IL1RL2: variants seen among roughly 807,000 people sequenced by gnomAD.
IL1RL2 encodes interleukin-1 receptor-like 2.
Under a neutral mutation model 66.8 loss-of-function variants are expected in IL1RL2, and 68 were observed. The observed-to-expected ratio is 1.02, with a 90% CI of 0.84 to 1.25. The LOEUF (loss-of-function observed/expected upper bound fraction) is 1.25, where lower values mean the gene tolerates loss of function less well. Ranked by LOEUF, IL1RL2 falls within the 50% of genes most tolerant of loss-of-function variation. IL1RL2 has a pLI of 0.00. For synonymous variants in IL1RL2, 305 were observed against 264.6 expected, an observed-to-expected ratio of 1.15 and a Z score of -1.48; for missense variants, 729 against 709.3, an observed-to-expected ratio of 1.03 and a Z score of -0.32.
chr2:102,221,768 A>G (rs1690153606), intron 8 of IL1RL2, among the ~76,000 whole-genome samples: 1 of 152,214 alleles, frequency 6.6e-6, no homozygotes, highest in Admixed American at 6.5e-5. Context: ...ATGTCTCCTC[A>G]TCTGGGAAAT....
intron 4 of IL1RL2, 32 bp from the exon 5 acceptor site, chr2:102,201,524 A>G (rs764855909): frequency 2.5e-6 from 4 of 1,603,778 alleles, no homozygotes; most frequent in Admixed American, 3.3e-5. Flanking sequence ...CTAAGTATTC[A>G]TTGAATTGAA....
intron 8 of IL1RL2, among the ~76,000 whole-genome samples, chr2:102,225,624 C>T (rs1690530577): frequency 6.6e-6 from 1 of 152,162 alleles, no homozygotes; most frequent in Non-Finnish European, 1.5e-5. Context: ...GTCCATGCTG[C>T]GTCTACCACC....
chr2:102,229,579 T>C (rs372340349), intron 9 of IL1RL2, among the ~76,000 whole-genome samples: 12 of 152,168 alleles, frequency 7.9e-5, no homozygotes, highest in African/African-American at 2.9e-4. Context: ...AGCCGGGAAA[T>C]GTTGAGGTGC....
At chr2:102,224,205 TCCTAC>T (rs1690398734) in intron 8 of IL1RL2, among the ~76,000 whole-genome samples, 1 of 152,172 alleles carries the variant, frequency 6.6e-6, no homozygotes, top group South Asian at 2.1e-4. Context: ...GATCCAGCAA[TCCTAC>T]TGCTGGTTAT....
In IL1RL2 at chr2:102,201,723, T is replaced by C. The variant is rs368217225; in HGVS notation, c.649+8T>C. 8.1e-6 allele frequency: 13 copies of C among 1,611,914 alleles called. No individual in the cohort carries two copies. The highest frequency in any genetic ancestry group is 2.2e-5 in the East Asian group (1 of 44,834). ...GCATCACTGTGAGCATTAGTAAGTA[T>C]GCTCATGTATGCCTGTCGCCTTGTA... On this transcript the variant is annotated splice_region_variant and intron_variant, in intron 5 of 11. Coordinates refer to ENST00000264257, the MANE Select transcript of IL1RL2 (RefSeq NM_003854.4).
At chr2:102,241,331 G>A (rs1264741169), downstream of IL1RL2, among the ~76,000 whole-genome samples, 1 of 152,122 alleles carries the variant, frequency 6.6e-6, no homozygotes, top group Non-Finnish European at 1.5e-5. Flanking sequence ...GCGGTCATAG[G>A]GATTTCAGAG....
chr2:102,187,995 C>A (rs1376197139), intron 2 of IL1RL2, 70 bp downstream of exon 2: 1 of 1,467,742 alleles, frequency 6.8e-7, no homozygotes, highest in Non-Finnish European at 9.5e-7. Flanking sequence ...TCATTGGGAG[C>A]CCCCGGGGAT....
At chr2:102,206,858 C>A (rs1338800470) in intron 5 of IL1RL2, among the ~76,000 whole-genome samples, 1 of 152,228 alleles carries the variant, frequency 6.6e-6, no homozygotes, top group Non-Finnish European at 1.5e-5. Context: ...CTGGGTGGAT[C>A]CAGAGGTGCC....
chr2:102,187,754 G>A (rs1244249066), intron 1 of IL1RL2, 102 bp from the exon 2 acceptor site: 2 of 976,732 alleles, frequency 2.0e-6, no homozygotes, highest in South Asian at 2.6e-5. Flanking sequence ...GAAGGTCAGC[G>A]GCCTGGGCGG....
chr2:102,233,801 T>C (rs1428092607), intron 10 of IL1RL2, among the ~76,000 whole-genome samples: 1 of 152,184 alleles, frequency 6.6e-6, no homozygotes, highest in Non-Finnish European at 1.5e-5. Flanking sequence ...AGTGCTTTCC[T>C]GTCCCTTTGT....
intron 5 of IL1RL2, among the ~76,000 whole-genome samples, chr2:102,211,289 G>T (rs1362391700): frequency 6.6e-6 from 1 of 152,154 alleles, no homozygotes; most frequent in Non-Finnish European, 1.5e-5. Context: ...CTAAATTTTG[G>T]CAGACAAATG....
chr2:102,208,022 C>A (rs1688846322), intron 5 of IL1RL2, among the ~76,000 whole-genome samples: 1 of 152,222 alleles, frequency 6.6e-6, no homozygotes, highest in East Asian at 1.9e-4. Flanking sequence ...AACAAGTCAG[C>A]ATTGAGTTCA....
At chr2:102,233,261 C>G in intron 10 of IL1RL2, 137 bp downstream of exon 10, 3 of 808,088 alleles carry the variant, frequency 3.7e-6, no homozygotes, top group South Asian at 1.9e-5. Flanking sequence ...GCGCCCCCTG[C>G]CCGTCAGCCC....
At position 102,239,262 on chromosome 2, in the gene IL1RL2, A is replaced by G. The variant is rs1195743269; in HGVS notation, c.*21A>G. 2 of 1,610,958 alleles carry G rather than the reference A, an allele frequency of 1.2e-6. No individual in the cohort carries two copies. Among genetic ancestry groups the G allele is most frequent in the Non-Finnish European group, 1.7e-6 (2 of 1,177,200 alleles). On this transcript the variant is annotated 3_prime_UTR_variant, in exon 12 of 12. Coordinates refer to ENST00000264257, the MANE Select transcript of IL1RL2 (RefSeq NM_003854.4). ...GCTAAGACTTGCTGGACTGACACCT[A>G]TGGCTGGAAGATGACTTGTTTTGCT... is the stretch of plus-strand genomic sequence containing the variant.
rs1029536633 is a variant in IL1RL2 at position 102,226,033 on chromosome 2, C to A, written c.1127C>A (p.Thr376Asn). 8.2e-6 allele frequency: 13 copies of A among 1,593,812 alleles called. No homozygotes were observed. The highest frequency in any genetic ancestry group is 1.8e-5 in the Admixed American group (1 of 57,088). The change falls in exon 9 of 12, where the codon ACC (threonine) becomes AAC (asparagine). Residue 376 changes from threonine to asparagine, a missense_variant. Physicochemically the swap from Thr to Asn is moderately conservative, Grantham distance 65. Transcript: ENST00000264257. ...WYRSAFHSTE[T>N]IVDGKLYDAY... is the part of the protein sequence containing the mutation. ...CGAAGTGCCTTCCATTCTACAGAGA[C>A]CATAGTAGGTAAGTGTGTGTAATCA...
intron 8 of IL1RL2, among the ~76,000 whole-genome samples, chr2:102,220,679 ATGTG>A (rs3074966): frequency 0.037 from 5,502 of 150,390 alleles, 239 homozygotes; most frequent in African/African-American, 0.1. Flanking sequence ...TCATTAGTGT[ATGTG>A]TGTGTGTGTG....
intron 9 of IL1RL2, among the ~76,000 whole-genome samples, chr2:102,227,947 GAAAACAGGAATAGTGACT>G (rs1690776240): frequency 6.6e-6 from 1 of 152,072 alleles, no homozygotes; most frequent in Admixed American, 6.5e-5. Context: ...AGCAGGAAGA[GAAAACAGGAATAGTGACT>G]CACACGGAGT....
chr2:102,220,565 CAGG>C (rs1005057820), intron 8 of IL1RL2, among the ~76,000 whole-genome samples: 2 of 152,150 alleles, frequency 1.3e-5, no homozygotes, highest in Non-Finnish European at 2.9e-5. Context: ...AAGCCAGAAT[CAGG>C]AGAACAACTT....
At position 102,235,153 on chromosome 2, in the gene IL1RL2, G is replaced by A. The variant is rs1291582690; in HGVS notation, c.1554G>A (p.Thr518=). 18 of 1,614,060 alleles carry A rather than the reference G, an allele frequency of 1.1e-5. No homozygotes were observed. The highest frequency in any genetic ancestry group is 1.5e-5 in the Non-Finnish European group (18 of 1,180,046). The change falls in exon 11 of 12, where the codon ACG becomes ACA. Residue 518 remains threonine, a synonymous_variant. Coordinates refer to ENST00000264257, the MANE Select transcript of IL1RL2 (RefSeq NM_003854.4). ...CCATCCGGTGGCATGGGGACTTCAC[G>A]GAGCAGTCACAGTGTATGAAGACCA... is the stretch of plus-strand genomic sequence containing the variant. ...HGAIRWHGDF[T]EQSQCMKTKF...
Sources: allele counts gnomAD v4.1 joint callset (sites outside exome capture counted in the v4.1 genomes callset), GRCh38; gene constraint gnomAD v4.1.1; transcripts MANE v1.5; gene names NCBI Gene and HGNC (gene_info 2026-07-23, HGNC 2026-07-21).